The following GRIP2 variants were observed in gnomAD, a reference collection of about 807,000 sequenced individuals.
GRIP2 encodes glutamate receptor-interacting protein 2.
GRIP2 carries 58 observed loss-of-function variants against 108.3 expected under a neutral mutation model. The observed-to-expected ratio is 0.54, with a 90% CI of 0.43 to 0.67. The LOEUF (loss-of-function observed/expected upper bound fraction) is 0.67, where lower values mean the gene tolerates loss of function less well. Among genes scored for constraint, GRIP2 ranks in the 30% least tolerant of loss-of-function variants. GRIP2 has a pLI of 0.00. For missense variants in GRIP2, 1,278 were observed against 1,430.6 expected (o/e 0.89, Z 1.72); for synonymous variants, 586 against 598.2 (o/e 0.98, Z 0.30).
At position 14,493,519 on chromosome 3, in the gene GRIP2, G is replaced by T; in HGVS notation, c.*146C>A. The stretch of plus-strand genomic sequence containing the variant: ...GCACCCCAGTCACCACAGACCTGGG[G>T]AACAGAGACCAAGCATCATCCCAGG... On this transcript the variant is annotated 3_prime_UTR_variant, in exon 24 of 24. Transcript: ENST00000621039. 2 of 1,001,536 alleles carry T rather than the reference G, an allele frequency of 2.0e-6. No individual in the cohort carries two copies. Among genetic ancestry groups the T allele is most frequent in the Non-Finnish European group, 2.8e-6 (2 of 705,392 alleles). 62.0% of individuals were successfully genotyped at this position (1,001,536 alleles called of 1,614,324 possible). A position where few individuals can be genotyped will look rare whatever the true frequency, so the allele number is the denominator to read the frequency against.
At chr3:14,517,469 G>C (rs566963068) in intron 10 of GRIP2, among the ~76,000 whole-genome samples, 38 of 142,874 alleles carry the variant, frequency 2.7e-4, no homozygotes, top group Non-Finnish European at 5.5e-4. Context: ...AGATGACAAT[G>C]AGGCAGGCCA....
At chr3:14,547,652 G>A (rs1279889995) in intron 1 of GRIP2, among the ~76,000 whole-genome samples, 38 of 152,188 alleles carry the variant, frequency 2.5e-4, no homozygotes, top group Admixed American at 2.5e-3. Flanking sequence ...AGCGCTCCTG[G>A]GTGAGGGGTC....
intron 1 of GRIP2, among the ~76,000 whole-genome samples, chr3:14,535,351 A>G (rs1694810275): frequency 6.6e-6 from 1 of 152,212 alleles, no homozygotes; most frequent in Non-Finnish European, 1.5e-5. Flanking sequence ...TCTCCTCTGC[A>G]AAATGGGGGT....
At chr3:14,532,332 A>G (rs931847618) in intron 1 of GRIP2, among the ~76,000 whole-genome samples, 1 of 152,026 alleles carries the variant, frequency 6.6e-6, no homozygotes, top group Non-Finnish European at 1.5e-5. Flanking sequence ...GAGTGGCCTG[A>G]GTCAAGGTCA....
Position 14,525,543 on chromosome 3 carries a change from G to A in GRIP2, c.151C>T (p.Leu51=). 1 of 1,613,822 alleles carries A rather than the reference G, an allele frequency of 6.2e-7. No individual in the cohort carries two copies. The highest frequency in any genetic ancestry group is 8.5e-7 in the Non-Finnish European group (1 of 1,179,864). The change falls in exon 3 of 24, where the codon CTG becomes TTG. Residue 51 remains leucine, a synonymous_variant. Transcript: ENST00000621039. ...AGCGTGCTGCCTTCTTTCTTGATCA[G>A]CTCCACCACAGTGATCCCTCGGAAC... ...EEFRGITVVE[L]IKKEGSTLGL... is the part of the protein sequence containing the mutation.
chr3:14,537,688 C>G (rs1006009483), intron 1 of GRIP2, among the ~76,000 whole-genome samples: 1 of 152,242 alleles, frequency 6.6e-6, no homozygotes, highest in African/African-American at 2.4e-5. Flanking sequence ...GAGGCCAGGC[C>G]TGCCTGAGGA....
chr3:14,533,068 C>T (rs935211690), intron 1 of GRIP2, among the ~76,000 whole-genome samples: 2 of 152,254 alleles, frequency 1.3e-5, no homozygotes, highest in African/African-American at 2.4e-5. Flanking sequence ...GGGTTGGGTC[C>T]TCAGCAGCTC....
intron 1 of GRIP2, among the ~76,000 whole-genome samples, chr3:14,528,859 G>A (rs895997076): frequency 6.6e-6 from 1 of 152,058 alleles, no homozygotes; most frequent in Non-Finnish European, 1.5e-5. Context: ...TTTTAAGTTG[G>A]GTTGTTTGTT....
rs1701279131 is a variant in GRIP2, at chr3:14,489,576, T to TTGGCTATAC, written c.*4088_*4089insGTATAGCCA. 1 of 152,254 alleles carries TTGGCTATAC rather than the reference T, an allele frequency of 6.6e-6. No individual in the cohort carries two copies. Among genetic ancestry groups the TTGGCTATAC allele is most frequent in the Non-Finnish European group, 1.5e-5 (1 of 68,072 alleles). 9.4% of individuals were successfully genotyped at this position (152,254 alleles called of 1,614,324 possible). A position where few individuals can be genotyped will look rare whatever the true frequency, so the allele number is the denominator to read the frequency against. Reference sequence around the variant, plus strand: ...GATTCGCACCCGGGCCCATGAGCTCTTGGCTCTACTGGCTCTACTGATTCT... The same window carrying TTGGCTATAC: ...GATTCGCACCCGGGCCCATGAGCTCTTGGCTATACTGGCTCTACTGGCTCTACTGATTCT... On this transcript the variant is annotated 3_prime_UTR_variant, in exon 24 of 24. Transcript: ENST00000621039.
chr3:14,496,199 T>A (rs1050883551), intron 22 of GRIP2, among the ~76,000 whole-genome samples: 1 of 151,790 alleles, frequency 6.6e-6, no homozygotes, highest in African/African-American at 2.4e-5. Flanking sequence ...AAAGCACATC[T>A]ACTTAAAGAA....
the GRIP2 span, among the ~76,000 whole-genome samples, chr3:14,602,478 C>T: frequency 6.6e-6 from 1 of 151,962 alleles, no homozygotes; most frequent in African/African-American, 2.4e-5. The surrounding 1 kb of genome is among the most constrained non-coding windows in gnomAD (Gnocchi z 4.7). Flanking sequence ...CCAAAGGACC[C>T]CCACCGTGAG....
At chr3:14,517,647 G>C in intron 10 of GRIP2, 125 bp downstream of exon 10, 1 of 1,273,648 alleles carries the variant, frequency 7.9e-7, no homozygotes, top group East Asian at 2.5e-5. Flanking sequence ...GACCACAGGC[G>C]TGCACCACCA....
rs770518009 is a variant in GRIP2, at chr3:14,511,159, C to G, written c.1933+6G>C. The stretch of plus-strand genomic sequence containing the variant: ...TGGAGGTAGGAGGCCAGCATGAGGG[C>G]CATACCAGAGTTGTCCTCGTCCTTC... On this transcript the variant is annotated splice_donor_region_variant and intron_variant, in intron 16 of 23. Transcript: ENST00000621039. This position sits in a 1 kb window ranked among gnomAD's most constrained non-coding sequence, Gnocchi z 4.1. 6.2e-6 allele frequency: 10 copies of G among 1,613,676 alleles called. No homozygotes were observed. The highest frequency in any genetic ancestry group is 8.5e-6 in the Non-Finnish European group (10 of 1,179,774).
At chr3:14,534,922 T>A (rs1694798228) in intron 1 of GRIP2, among the ~76,000 whole-genome samples, 1 of 152,028 alleles carries the variant, frequency 6.6e-6, no homozygotes, top group Non-Finnish European at 1.5e-5. Context: ...AGCGGGTGGC[T>A]GGAAAGAAGC....
At chr3:14,589,726 T>C in the GRIP2 span, among the ~76,000 whole-genome samples, 2 of 151,910 alleles carry the variant, frequency 1.3e-5, no homozygotes, top group Non-Finnish European at 2.9e-5. Context: ...ACCCACTTAT[T>C]GTAGATGTCA....
chr3:14,519,126 G>A (rs1042234887), intron 9 of GRIP2, among the ~76,000 whole-genome samples: 8 of 152,244 alleles, frequency 5.3e-5, no homozygotes, highest in Non-Finnish European at 8.8e-5. Flanking sequence ...TAAATGGTAC[G>A]AGAATGAATG....
the GRIP2 span, among the ~76,000 whole-genome samples, chr3:14,585,103 C>A: frequency 1.3e-5 from 2 of 152,228 alleles, no homozygotes; most frequent in Admixed American, 6.5e-5. Context: ...CAGCTCACTG[C>A]AAGCTTTGCC....
At chr3:14,510,033 C>G (rs1468535313) in intron 16 of GRIP2, 69 bp from the exon 17 acceptor site, 1 of 1,245,982 alleles carries the variant, frequency 8.0e-7, no homozygotes, top group African/African-American at 1.5e-5. Context: ...GCCTTGGCCT[C>G]ACTCACTCAC....
rs1392306832 is a variant in GRIP2, at chr3:14,521,583, C to T, written c.712+59G>A. The T allele has an allele frequency of 8.6e-6, 13 of 1,516,278 alleles. No individual in the cohort carries two copies. The highest frequency in any genetic ancestry group is 6.9e-5 in the African/African-American group (5 of 72,510). 93.9% of individuals were successfully genotyped at this position (1,516,278 alleles called of 1,614,324 possible). A position where few individuals can be genotyped will look rare whatever the true frequency, so the allele number is the denominator to read the frequency against. On this transcript the variant is annotated intron_variant, in intron 7 of 23. Transcript: ENST00000621039. The surrounding 1 kb of genome is among the most constrained non-coding windows in gnomAD (Gnocchi z 5.1). ...TGGTAAAGATCCATGGCCACTGCCA[C>T]CTCCCCCCATCCCAGGCCTCCTCCT...
Sources: gnomAD v4.1 joint callset for allele counts (sites outside exome capture counted in the v4.1 genomes callset) on GRCh38, gnomAD v4.1.1 for gene constraint, Gnocchi (gnomAD v3.1) non-coding constraint, MANE v1.5 for transcripts, NCBI Gene and HGNC (gene_info 2026-07-23, HGNC 2026-07-21) for gene names.